PDE4D: variants seen among roughly 807,000 people sequenced by gnomAD.
The protein encoded by PDE4D is phosphodiesterase 4D.
In PDE4D, 24 loss-of-function variants were observed where a neutral mutation model predicts 87.4. The observed-to-expected ratio is 0.27, with a 90% CI of 0.20 to 0.39. PDE4D has a LOEUF of 0.39. Ranked by LOEUF, PDE4D falls within the 10% of genes least tolerant of loss-of-function variation. PDE4D has a pLI of 1.00. For missense variants in PDE4D, 714 were observed against 1,041.0 expected (o/e 0.69, Z 4.32); for synonymous variants, 384 against 383.2 (o/e 1.00, Z -0.02).
intron 6 of PDE4D, among the ~76,000 whole-genome samples, chr5:59,030,008 T>A (rs545691034): frequency 1.3e-5 from 2 of 152,188 alleles, no homozygotes; most frequent in East Asian, 3.9e-4. Context: ...TGTACTCTTA[T>A]CTCACACTCC....
intron 1 of PDE4D, among the ~76,000 whole-genome samples, chr5:60,224,042 G>T (rs1299685498): frequency 2.0e-5 from 3 of 152,058 alleles, no homozygotes; most frequent in Non-Finnish European, 4.4e-5. Flanking sequence ...TACCAATCAT[G>T]GCAGTATTGT....
In PDE4D at chr5:59,574,031, A is replaced by T. The variant is rs1272653937; in HGVS notation, c.455+319137T>A. Among the ~76,000 whole-genome samples the T allele has an allele frequency of 2.9e-4, 30 of 104,724 alleles. 1 individual carries two copies. Among genetic ancestry groups the T allele is most frequent in the Middle Eastern group, 4.2e-3 (1 of 240 alleles). 68.7% of individuals were successfully genotyped at this position (104,724 alleles called of 152,430 possible). On this transcript the variant is annotated intron_variant, in intron 1 of 14. Coordinates refer to ENST00000340635, the MANE Select transcript of PDE4D (RefSeq NM_001104631.2). ...ATATATATATATATATATATATAAA[A>T]ATATATATTTATATATATTTATATA... is the stretch of plus-strand genomic sequence containing the variant.
intron 1 of PDE4D, among the ~76,000 whole-genome samples, chr5:60,464,941 A>G (rs1423840500): frequency 1.3e-5 from 2 of 151,974 alleles, no homozygotes; most frequent in African/African-American, 4.8e-5. Context: ...ATCTCTATAA[A>G]CTTTTTTTTG....
intron 1 of PDE4D, among the ~76,000 whole-genome samples, chr5:59,862,685 C>G (rs1293831681): frequency 6.6e-6 from 1 of 152,212 alleles, no homozygotes; most frequent in East Asian, 1.9e-4. Context: ...CACATGCACA[C>G]TAGAATCAGC....
At chr5:59,130,629 T>C (rs1776132316) in intron 5 of PDE4D, among the ~76,000 whole-genome samples, 1 of 152,172 alleles carries the variant, frequency 6.6e-6, no homozygotes, top group Non-Finnish European at 1.5e-5. Flanking sequence ...AGTCCTAGAT[T>C]GCATATGATT....
At chr5:59,577,527 T>G (rs1186701556) in intron 1 of PDE4D, among the ~76,000 whole-genome samples, 1 of 152,138 alleles carries the variant, frequency 6.6e-6, no homozygotes, top group African/African-American at 2.4e-5. Flanking sequence ...ACCTTAGTGA[T>G]CAGTTAAGTC....
intron 2 of PDE4D, among the ~76,000 whole-genome samples, chr5:60,064,445 C>T (rs1019577350): frequency 2.6e-5 from 4 of 152,062 alleles, no homozygotes; most frequent in African/African-American, 9.7e-5. Flanking sequence ...ATCTCATACT[C>T]AGAGCTCTCG....
chr5:59,525,721 G>A (rs1812991083), intron 1 of PDE4D, among the ~76,000 whole-genome samples: 1 of 152,182 alleles, frequency 6.6e-6, no homozygotes, highest in Non-Finnish European at 1.5e-5. Flanking sequence ...GGAACCTCAT[G>A]GGAGGTGATT....
intron 1 of PDE4D, among the ~76,000 whole-genome samples, chr5:59,690,215 C>A (rs1223682880): frequency 6.6e-6 from 1 of 152,152 alleles, no homozygotes; most frequent in African/African-American, 2.4e-5. Flanking sequence ...TGGAAAAAAA[C>A]TACTTTAAAG....
At chr5:59,851,468 T>G (rs1268213504) in intron 1 of PDE4D, among the ~76,000 whole-genome samples, 2 of 152,062 alleles carry the variant, frequency 1.3e-5, no homozygotes, top group Non-Finnish European at 2.9e-5. Context: ...GTTAGACAGA[T>G]TCTAAGATTC....
chr5:60,284,733 T>C (rs183571960), intron 1 of PDE4D, among the ~76,000 whole-genome samples: 11 of 152,280 alleles, frequency 7.2e-5, no homozygotes, highest in African/African-American at 2.2e-4. Context: ...TAGAGGCTTG[T>C]GATTTATTCT....
intron 1 of PDE4D, among the ~76,000 whole-genome samples, chr5:59,554,743 C>T (rs1305871868): frequency 3.3e-5 from 5 of 152,128 alleles, no homozygotes; most frequent in African/African-American, 7.2e-5. Flanking sequence ...AACTAGGTCT[C>T]GCTTTACCAA....
At chr5:58,988,200 A>T (rs1746945701) in intron 11 of PDE4D, among the ~76,000 whole-genome samples, 1 of 152,172 alleles carries the variant, frequency 6.6e-6, no homozygotes, top group African/African-American at 2.4e-5. Context: ...TAGGGCCAAT[A>T]CAACTTTCTA....
chr5:60,256,917 AT>A (rs374716919), intron 1 of PDE4D, among the ~76,000 whole-genome samples: 104 of 152,090 alleles, frequency 6.8e-4, no homozygotes, highest in African/African-American at 2.5e-3. Context: ...ACATACGTAT[AT>A]CTACACACAC....
chr5:59,441,998 C>T (rs1797692678), intron 1 of PDE4D, among the ~76,000 whole-genome samples: 1 of 146,254 alleles, frequency 6.8e-6, no homozygotes, highest in African/African-American at 2.8e-5. Flanking sequence ...TTATAGCTAC[C>T]ACAAGATACT....
intron 3 of PDE4D, among the ~76,000 whole-genome samples, chr5:59,981,463 C>CATGCCTAGTGGGTTATAG (rs1761928142): frequency 6.6e-6 from 1 of 152,000 alleles, no homozygotes; most frequent in Non-Finnish European, 1.5e-5. Flanking sequence ...GCTTAGTATG[C>CATGCCTAGTGGGTTATAG]ATCTTCAAGA....
chr5:59,301,087 C>T (rs1439738845), intron 1 of PDE4D, among the ~76,000 whole-genome samples: 2 of 152,136 alleles, frequency 1.3e-5, no homozygotes, highest in East Asian at 1.9e-4. Flanking sequence ...TGTGGAAGCT[C>T]ACTGAACCCT....
chr5:59,885,188 T>C (rs1177715069), intron 1 of PDE4D, among the ~76,000 whole-genome samples: 2 of 152,128 alleles, frequency 1.3e-5, no homozygotes, highest in Non-Finnish European at 1.5e-5. Context: ...GTTGAATAAT[T>C]GGTTTATTTC....
chr5:59,245,854 G>A (rs773433524), intron 1 of PDE4D, among the ~76,000 whole-genome samples: 13 of 151,968 alleles, frequency 8.6e-5, no homozygotes, highest in Non-Finnish European at 1.6e-4. Flanking sequence ...CAGGCACATT[G>A]TAAAAATGGA....
Sources: gnomAD v4.1 joint callset for allele counts (sites outside exome capture counted in the v4.1 genomes callset) on GRCh38, gnomAD v4.1.1 for gene constraint, MANE v1.5 for transcripts, NCBI Gene and HGNC (gene_info 2026-07-23, HGNC 2026-07-21) for gene names.